The following USP45 variants were observed in gnomAD, a reference collection of about 807,000 sequenced individuals.
USP45 encodes ubiquitin specific peptidase 45.
USP45 carries 89 observed loss-of-function variants against 95.8 expected under a neutral mutation model. The observed-to-expected ratio is 0.93, with a 90% CI of 0.78 to 1.11. The LOEUF is 1.11. USP45 is among the 50% of genes least tolerant of loss of function. The probability of loss-of-function intolerance (pLI) is 0.00; values close to 1 mark genes in which losing one functional copy is unlikely to be tolerated. For missense variants in USP45, 898 were observed against 942.5 expected, an observed-to-expected ratio of 0.95 and a Z score of 0.62; for synonymous variants, 281 against 316.2, an observed-to-expected ratio of 0.89 and a Z score of 1.18.
Position 99,488,228 on chromosome 6 carries a change from T to G in USP45, c.686A>C (p.Lys229Thr). 1.2e-6 allele frequency: 2 copies of G among 1,612,518 alleles called. No individual in the cohort carries two copies. The highest frequency in any genetic ancestry group is 2.2e-5 in the South Asian group (2 of 90,946). ...NEIKESSTKL[K>T]IFPSSDSQLD... ...CTGAGAGTCTGAGGAAGGAAAAATC[T>G]TGAGTTTTGTACTACTTTCTTTGAT... The change falls in exon 7 of 18, where the codon AAG becomes ACG. Residue 229 changes from lysine to threonine, a missense_variant. Physicochemically the swap from Lys to Thr is moderately conservative, Grantham distance 78. Coordinates refer to ENST00000500704, the MANE Select transcript of USP45 (RefSeq NM_001346022.3).
At chr6:99,459,607 G>A (rs1051066382) in intron 13 of USP45, among the ~76,000 whole-genome samples, 10 of 152,148 alleles carry the variant, frequency 6.6e-5, no homozygotes, top group African/African-American at 2.2e-4. Context: ...TACCAACAGA[G>A]TATAAGCATT....
At chr6:99,470,320 TCTG>T (rs992545017) in intron 9 of USP45, among the ~76,000 whole-genome samples, 6 of 152,190 alleles carry the variant, frequency 3.9e-5, no homozygotes, top group African/African-American at 1.4e-4. Context: ...CCAGAATTGT[TCTG>T]CTGTGTATGA....
At chr6:99,469,207 T>C (rs1459190650) in intron 9 of USP45, among the ~76,000 whole-genome samples, 1 of 151,988 alleles carries the variant, frequency 6.6e-6, no homozygotes, top group Non-Finnish European at 1.5e-5. Flanking sequence ...GATTATGTTT[T>C]CAGCAGCTCT....
chr6:99,472,955 C>CT (rs1789812442), intron 9 of USP45, among the ~76,000 whole-genome samples: 1 of 151,928 alleles, frequency 6.6e-6, no homozygotes, highest in Non-Finnish European at 1.5e-5. Flanking sequence ...GTTCCTAGCT[C>CT]TAAGAAAATG....
intron 14 of USP45, among the ~76,000 whole-genome samples, chr6:99,445,312 A>G (rs192712958): frequency 1.9e-3 from 290 of 152,092 alleles, no homozygotes; most frequent in African/African-American, 6.6e-3. Flanking sequence ...GTGAAACCCC[A>G]TCTCTACTAA....
At chr6:99,485,576 G>A (rs1793680915) in intron 7 of USP45, among the ~76,000 whole-genome samples, 1 of 152,204 alleles carries the variant, frequency 6.6e-6, no homozygotes, top group Non-Finnish European at 1.5e-5. Context: ...AGTAGTGAAT[G>A]TGGGGGGGAG....
chr6:99,477,978 G>A (rs1036405409), intron 8 of USP45, among the ~76,000 whole-genome samples: 8 of 152,190 alleles, frequency 5.3e-5, no homozygotes, highest in African/African-American at 1.7e-4. Flanking sequence ...AGGAAGGCCA[G>A]TGAAGTAGCA....
intron 9 of USP45, among the ~76,000 whole-genome samples, chr6:99,474,930 T>C (rs186848607): frequency 3.6e-4 from 55 of 152,288 alleles, no homozygotes; most frequent in African/African-American, 1.3e-3. Context: ...AGTTAGGGGA[T>C]AGGCCTACAA....
chr6:99,505,617 G>A (rs1453159207), intron 4 of USP45, among the ~76,000 whole-genome samples: 1 of 148,340 alleles, frequency 6.7e-6, no homozygotes, highest in Non-Finnish European at 1.5e-5. Flanking sequence ...CTCCAGCCTG[G>A]GTGACAGAGT....
chr6:99,511,877 A>G (rs1799952385), intron 1 of USP45, among the ~76,000 whole-genome samples: 1 of 141,546 alleles, frequency 7.1e-6, no homozygotes, highest in Admixed American at 7.3e-5. Flanking sequence ...ATATATATAT[A>G]TATATATATA....
intron 8 of USP45, among the ~76,000 whole-genome samples, chr6:99,481,180 AG>A (rs1278528156): frequency 6.6e-6 from 1 of 152,228 alleles, no homozygotes; most frequent in African/African-American, 2.4e-5. Context: ...TACTTCCGCA[AG>A]TACAGTGTAT....
chr6:99,446,271 C>T lies in USP45; in HGVS notation c.1501G>A (p.Val501Ile). The T allele has an allele frequency of 6.2e-7, 1 of 1,614,222 alleles. No homozygotes were observed. Among genetic ancestry groups the T allele is most frequent in the Non-Finnish European group, 8.5e-7 (1 of 1,180,034 alleles). The change falls in exon 14 of 18, where the codon GTT (valine) becomes ATT (isoleucine). Residue 501 changes from valine (V) to isoleucine (I), a missense_variant. Coordinates refer to ENST00000500704, the MANE Select transcript of USP45 (RefSeq NM_001346022.3). ...EKEASHSESNVDADSEPSESE... is the reference protein window; with the variant it reads ...EKEASHSESNIDADSEPSESE... ...TCTGAAGGCTCACTGTCAGCATCAA[C>T]ATTGCTTTCAGAATGGCTGGCTTCT...
At position 99,462,331 on chromosome 6, in the gene USP45, T is replaced by C. The variant is rs9494512; in HGVS notation, c.1308+2273A>G. On this transcript the variant is annotated intron_variant, in intron 13 of 17. Transcript: ENST00000500704. ...ATGCATATTCTCAGTTCCTAACCAA[T>C]ACTGTGTGGAAAGTATTTCTCTCAT... The C allele has an allele frequency of 5.9e-3, 5,859 of 985,096 alleles. 290 individuals carry two copies. In the African/African-American group the frequency reaches 0.095, roughly 16 times the overall value. 61.0% of individuals were successfully genotyped at this position (985,096 alleles called of 1,614,324 possible).
chr6:99,464,787 T>G, intron 12 of USP45, 40 bp from the exon 13 acceptor site: 1 of 1,535,434 alleles, frequency 6.5e-7, no homozygotes, highest in Non-Finnish European at 8.7e-7. Context: ...ACCTCTTTAG[T>G]AAATAAATTC....
intron 14 of USP45, among the ~76,000 whole-genome samples, chr6:99,444,970 T>C (rs1210606326): frequency 6.6e-6 from 1 of 152,236 alleles, no homozygotes; most frequent in Non-Finnish European, 1.5e-5. Flanking sequence ...ATCAGAGTAT[T>C]CTTTCCATTT....
At chr6:99,487,787 C>T (rs920918533) in intron 7 of USP45, among the ~76,000 whole-genome samples, 16 of 151,812 alleles carry the variant, frequency 1.1e-4, no homozygotes, top group Non-Finnish European at 2.1e-4. Flanking sequence ...AGCGACAGAG[C>T]GAGACCCCGT....
intron 2 of USP45, among the ~76,000 whole-genome samples, chr6:99,509,210 A>G (rs1799220875): frequency 6.6e-6 from 1 of 152,190 alleles, no homozygotes; most frequent in African/African-American, 2.4e-5. Flanking sequence ...CTAATTTATT[A>G]GAGTTTAAAT....
At chr6:99,482,234 A>G (rs1049346073) in intron 8 of USP45, 4 of 152,222 alleles carry the variant, frequency 2.6e-5, no homozygotes, top group African/African-American at 9.6e-5. Context: ...AATTTTTTAT[A>G]TAAATGAATA....
intron 5 of USP45, among the ~76,000 whole-genome samples, chr6:99,503,326 A>T (rs1053514179): frequency 6.9e-6 from 1 of 144,106 alleles, no homozygotes; most frequent in East Asian, 2.0e-4. Flanking sequence ...GATACTCATA[A>T]TTTTTTTTTT....
Sources: gnomAD v4.1 joint callset for allele counts (sites outside exome capture counted in the v4.1 genomes callset) on GRCh38, gnomAD v4.1.1 for gene constraint, MANE v1.5 for transcripts, NCBI Gene and HGNC (gene_info 2026-07-23, HGNC 2026-07-21) for gene names.